The following SMIM14 variants were observed in gnomAD, a reference collection of about 807,000 sequenced individuals.
SMIM14 encodes the protein small integral membrane protein 14.
In SMIM14, 5 loss-of-function variants were observed where a neutral mutation model predicts 12.6. The observed-to-expected ratio is 0.40, with a 90% CI of 0.21 to 0.83. The LOEUF (loss-of-function observed/expected upper bound fraction) is 0.83. Among genes scored for constraint, SMIM14 ranks in the 40% least tolerant of loss-of-function variants. SMIM14 has a pLI of 0.37. For missense variants in SMIM14, 86 were observed against 119.1 expected, an observed-to-expected ratio of 0.72 and a Z score of 1.29; for synonymous variants, 30 against 40.1, an observed-to-expected ratio of 0.75 and a Z score of 0.95.
rs1560289709 is a variant in SMIM14 at position 39,576,676 on chromosome 4, ATATATATATTTTTTTTTTTTTT to A, written c.76-4235_76-4214del. ...TGTGTATGTGTATATATATATATAT[ATATATATATTTTTTTTTTTTTT>A]TTTTTTTTTTTTTTTTTTTTTTTTT... On this transcript the variant is annotated intron_variant, in intron 2 of 4. Transcript: ENST00000295958. Among the ~76,000 whole-genome samples the A allele has an allele frequency of 1.3e-3, 41 of 31,050 alleles. 1 individual carries two copies. The highest frequency in any genetic ancestry group is 3.9e-3 in the African/African-American group (40 of 10,192). 20.4% of individuals were successfully genotyped at this position (31,050 alleles called of 152,430 possible).
chr4:39,621,188 C>T (rs1715472164), intron 1 of SMIM14: 1 of 152,070 alleles, frequency 6.6e-6, no homozygotes, highest in Admixed American at 6.6e-5. Context: ...GGACCCCCTA[C>T]AGATACATAC....
intron 1 of SMIM14, among the ~76,000 whole-genome samples, chr4:39,630,056 T>C (rs1404607181): frequency 6.6e-6 from 1 of 152,188 alleles, no homozygotes; most frequent in East Asian, 1.9e-4. Context: ...GAATCAAGAC[T>C]TTTCCTTAAT....
intron 2 of SMIM14, among the ~76,000 whole-genome samples, chr4:39,591,566 CT>C (rs1341711247): frequency 1.3e-5 from 2 of 151,250 alleles, no homozygotes; most frequent in Non-Finnish European, 3.0e-5. Context: ...ATAATATGTA[CT>C]TTTTTTTTGA....
At chr4:39,563,688 C>T (rs1712434351) in intron 3 of SMIM14, among the ~76,000 whole-genome samples, 1 of 152,158 alleles carries the variant, frequency 6.6e-6, no homozygotes, top group Non-Finnish European at 1.5e-5. Flanking sequence ...TAAAAATCTC[C>T]ATTTCCTCCA....
intron 1 of SMIM14, among the ~76,000 whole-genome samples, chr4:39,623,729 G>A (rs1314603408): frequency 6.6e-6 from 1 of 152,098 alleles, no homozygotes; most frequent in African/African-American, 2.4e-5. Flanking sequence ...GGGTGTGGTG[G>A]TGCATGCCTG....
At chr4:39,554,797 T>C (rs975465119) in intron 4 of SMIM14, among the ~76,000 whole-genome samples, 13 of 150,598 alleles carry the variant, frequency 8.6e-5, no homozygotes, top group African/African-American at 2.7e-4. Flanking sequence ...ATTTGTAGAA[T>C]GGCTAAATAG....
At chr4:39,608,903 A>G (rs1208964721) in intron 1 of SMIM14, among the ~76,000 whole-genome samples, 2 of 152,216 alleles carry the variant, frequency 1.3e-5, no homozygotes, top group African/African-American at 4.8e-5. Context: ...AGGGGGGCTG[A>G]AAAAACTGTT....
intron 3 of SMIM14, among the ~76,000 whole-genome samples, chr4:39,562,154 C>A: frequency 6.6e-6 from 1 of 151,276 alleles, no homozygotes; most frequent in Non-Finnish European, 1.5e-5. Flanking sequence ...CAGGAGGATC[C>A]CTGGAGCCCA....
At chr4:39,564,232 G>A (rs781449563) in intron 3 of SMIM14, among the ~76,000 whole-genome samples, 2 of 152,148 alleles carry the variant, frequency 1.3e-5, no homozygotes, top group East Asian at 3.8e-4. Flanking sequence ...ACAATACACC[G>A]GTATGCTCTA....
At chr4:39,566,560 CAATGGCTCATGCCTGT>C (rs1194877016) in intron 3 of SMIM14, among the ~76,000 whole-genome samples, 1 of 152,042 alleles carries the variant, frequency 6.6e-6, no homozygotes, top group Non-Finnish European at 1.5e-5. Context: ...CAGCCAGGCA[CAATGGCTCATGCCTGT>C]AATCCCAGCA....
chr4:39,608,949 A>C (rs1177057378), intron 1 of SMIM14, among the ~76,000 whole-genome samples: 2 of 152,128 alleles, frequency 1.3e-5, no homozygotes, highest in Non-Finnish European at 2.9e-5. Context: ...TGAATATACT[A>C]AAAGACACTG....
intron 1 of SMIM14, among the ~76,000 whole-genome samples, chr4:39,633,245 G>A (rs1272485136): frequency 6.6e-6 from 1 of 151,830 alleles, no homozygotes; most frequent in Non-Finnish European, 1.5e-5. Flanking sequence ...AGTGAGCCGA[G>A]ATCACCCCAC....
intron 4 of SMIM14, 34 bp from the exon 5 acceptor site, chr4:39,552,192 C>T: frequency 6.5e-7 from 1 of 1,527,518 alleles, no homozygotes. Context: ...ATTTAATTGA[C>T]TTTTTAAAAA....
At chr4:39,592,412 A>G (rs1187131686) in intron 2 of SMIM14, among the ~76,000 whole-genome samples, 2 of 151,940 alleles carry the variant, frequency 1.3e-5, no homozygotes, top group Non-Finnish European at 2.9e-5. Context: ...TAGTCTTTGT[A>G]CTAAAACTTA....
chr4:39,629,360 C>CAAAA (rs11459763), intron 1 of SMIM14, among the ~76,000 whole-genome samples: 3 of 80,468 alleles, frequency 3.7e-5, no homozygotes, highest in East Asian at 3.8e-4. Flanking sequence ...GACTCTGTCT[C>CAAAA]AAAAAAAAAA....
At chr4:39,631,533 C>T (rs1308409388) in intron 1 of SMIM14, among the ~76,000 whole-genome samples, 2 of 151,876 alleles carry the variant, frequency 1.3e-5, no homozygotes, top group African/African-American at 2.4e-5. Context: ...GTGGCAGGTA[C>T]CTGTAGTCCC....
At chr4:39,610,315 C>A (rs920813809) in intron 1 of SMIM14, among the ~76,000 whole-genome samples, 1 of 152,126 alleles carries the variant, frequency 6.6e-6, no homozygotes, top group African/African-American at 2.4e-5. Flanking sequence ...TGAAGTCACA[C>A]ATAAAATTAG....
At chr4:39,595,445 C>T (rs1295744038) in intron 2 of SMIM14, among the ~76,000 whole-genome samples, 2 of 148,474 alleles carry the variant, frequency 1.3e-5, no homozygotes, top group Non-Finnish European at 3.0e-5. Flanking sequence ...AGGAGATATA[C>T]CTAATGCTAA....
intron 1 of SMIM14, among the ~76,000 whole-genome samples, chr4:39,621,499 G>C (rs576646783): frequency 6.6e-6 from 1 of 152,018 alleles, no homozygotes; most frequent in Admixed American, 6.6e-5. Flanking sequence ...AAAAAAACGT[G>C]CATGCCCTCT....
Sources: gnomAD v4.1 joint callset for allele counts (sites outside exome capture counted in the v4.1 genomes callset) on GRCh38, gnomAD v4.1.1 for gene constraint, MANE v1.5 for transcripts, NCBI Gene and HGNC (gene_info 2026-07-23, HGNC 2026-07-21) for gene names.